ZNF704: variants seen among roughly 807,000 people sequenced by gnomAD.
The protein encoded by ZNF704 is glucocorticoid induced gene 1.
In ZNF704, 10 loss-of-function variants were observed where a neutral mutation model predicts 44.7. That is an observed-to-expected ratio of 0.22 (90% confidence interval 0.14 to 0.38). The LOEUF (loss-of-function observed/expected upper bound fraction) is 0.38. Ranked by LOEUF, ZNF704 falls within the 10% of genes least tolerant of loss-of-function variation. ZNF704 has a pLI of 1.00. For synonymous variants in ZNF704, 211 were observed against 207.6 expected (o/e 1.02, Z -0.14); for missense variants, 390 against 545.5 (o/e 0.71, Z 2.84).
intron 1 of ZNF704, among the ~76,000 whole-genome samples, chr8:80,846,822 C>T (rs1586071754): frequency 6.6e-6 from 1 of 152,102 alleles, no homozygotes; most frequent in Admixed American, 6.6e-5. Flanking sequence ...GATCAACATA[C>T]AAAAAACAGT....
chr8:80,641,526 C>T, intron 8 of ZNF704, 49 bp from the exon 9 acceptor site: 6 of 1,172,674 alleles, frequency 5.1e-6, no homozygotes, highest in Non-Finnish European at 7.2e-6. Context: ...ATTCAATGGG[C>T]ATTCTATGGA....
rs539440649 is a variant in ZNF704, at chr8:80,790,691, G to A, written c.221+30683C>T. Among the ~76,000 whole-genome samples, 185 of 152,228 alleles carry A rather than the reference G, an allele frequency of 1.2e-3. 1 individual carries two copies. Among genetic ancestry groups the A allele is most frequent in the African/African-American group, 3.6e-3 (151 of 41,548 alleles). ...GAAAGGTGGGTGGCAGAGGTCCCGG[G>A]GTGAGATGGTGACACACAGATTGAG... On this transcript the variant is annotated intron_variant, in intron 2 of 8. Coordinates refer to ENST00000327835, the MANE Select transcript of ZNF704 (RefSeq NM_001033723.3).
At chr8:80,647,434 G>A (rs193260422) in intron 7 of ZNF704, among the ~76,000 whole-genome samples, 7 of 152,208 alleles carry the variant, frequency 4.6e-5, no homozygotes, top group East Asian at 3.9e-4. Flanking sequence ...TTATTCTAAC[G>A]GCAATAAGTA....
upstream of ZNF704, among the ~76,000 whole-genome samples, chr8:80,876,671 T>C (rs1241820188): frequency 6.6e-6 from 1 of 152,168 alleles, no homozygotes; most frequent in African/African-American, 2.4e-5. Flanking sequence ...ATGGGGATCA[T>C]AGTAGTAAAG....
chr8:80,838,847 A>T (rs1015146817), intron 1 of ZNF704, among the ~76,000 whole-genome samples: 1 of 151,070 alleles, frequency 6.6e-6, no homozygotes, highest in African/African-American at 2.4e-5. Context: ...GAGGAGGAAG[A>T]GGGGAGCAGA....
intron 5 of ZNF704, among the ~76,000 whole-genome samples, chr8:80,668,643 C>T (rs1818232002): frequency 6.6e-6 from 1 of 152,170 alleles, no homozygotes; most frequent in Non-Finnish European, 1.5e-5. Flanking sequence ...TCAGGACCAG[C>T]CCCTGGTGTA....
intron 4 of ZNF704, among the ~76,000 whole-genome samples, chr8:80,682,090 T>C (rs1818462679): frequency 1.3e-5 from 2 of 152,216 alleles, no homozygotes; most frequent in African/African-American, 4.8e-5. Context: ...GAACAGCCGT[T>C]CTTTTTGCAA....
intron 3 of ZNF704, among the ~76,000 whole-genome samples, chr8:80,691,013 TAA>T (rs879420810): frequency 1.6e-4 from 22 of 133,990 alleles, no homozygotes; most frequent in Non-Finnish European, 2.3e-4. Context: ...CATCTCAAAT[TAA>T]AAAAAAAAAA....
chr8:80,661,718 CAT>C (rs1016440159), intron 6 of ZNF704, among the ~76,000 whole-genome samples: 4 of 152,056 alleles, frequency 2.6e-5, no homozygotes, highest in Admixed American at 6.6e-5. Flanking sequence ...TGTTCTCACT[CAT>C]ATGTGGGAAA....
At chr8:80,648,783 G>A (rs1166825908) in intron 7 of ZNF704, among the ~76,000 whole-genome samples, 7 of 152,136 alleles carry the variant, frequency 4.6e-5, no homozygotes, top group African/African-American at 1.7e-4. Context: ...TTTTATAGAT[G>A]AGAAAATGGA....
At chr8:80,665,983 C>G (rs1046639207) in intron 5 of ZNF704, among the ~76,000 whole-genome samples, 2 of 149,878 alleles carry the variant, frequency 1.3e-5, no homozygotes, top group Non-Finnish European at 3.0e-5. Flanking sequence ...TTTTATTATA[C>G]TTTAAGTTTT....
At chr8:80,844,863 T>TTATTTATTTATTTATTTA (rs1808743420) in intron 1 of ZNF704, among the ~76,000 whole-genome samples, 1 of 150,942 alleles carries the variant, frequency 6.6e-6, no homozygotes, top group African/African-American at 2.4e-5. Flanking sequence ...ATTTATTTAT[T>TTATTTATTTATTTATTTA]GAGACAGGGT....
chr8:80,760,368 A>C (rs1035262748), intron 2 of ZNF704, among the ~76,000 whole-genome samples: 7 of 152,266 alleles, frequency 4.6e-5, no homozygotes, highest in African/African-American at 1.7e-4. Context: ...TGCTATAAAG[A>C]AATACCTGGC....
chr8:80,758,150 T>C (rs928412061), intron 2 of ZNF704, among the ~76,000 whole-genome samples: 2 of 152,216 alleles, frequency 1.3e-5, no homozygotes. Flanking sequence ...ATCGGAAGTA[T>C]TTCCAGTCTC....
chr8:80,801,620 G>A lies in ZNF704; in HGVS notation c.221+19754C>T, dbSNP rs553055392. On this transcript the variant is annotated intron_variant, in intron 2 of 8. Coordinates refer to ENST00000327835, the MANE Select transcript of ZNF704 (RefSeq NM_001033723.3). ...TCAAGAAGTTCTTTGAAACTAATGA[G>A]AACAAAGAGACAACACATCAGAATC... Among the ~76,000 whole-genome samples the A allele has an allele frequency of 2.6e-5, 4 of 152,220 alleles. No homozygotes were observed. The South Asian group carries it at 8.3e-4, about 32-fold the overall frequency.
chr8:80,816,105 T>G (rs1225476504), intron 2 of ZNF704, among the ~76,000 whole-genome samples: 1 of 152,208 alleles, frequency 6.6e-6, no homozygotes, highest in Non-Finnish European at 1.5e-5. Context: ...GTCTGTACAC[T>G]TCTCTTGATC....
At chr8:80,821,272 A>G in intron 2 of ZNF704, 102 bp downstream of exon 2, 1 of 1,238,790 alleles carries the variant, frequency 8.1e-7, no homozygotes, top group Non-Finnish European at 1.1e-6. Context: ...AAAACCTTTC[A>G]TATGTCTATA....
At chr8:80,727,147 T>C (rs1284629299) in intron 2 of ZNF704, among the ~76,000 whole-genome samples, 1 of 152,204 alleles carries the variant, frequency 6.6e-6, no homozygotes, top group African/African-American at 2.4e-5. Context: ...CCACAACCTA[T>C]ACTGCCAGGT....
chr8:80,647,076 C>T (rs1001617040), intron 7 of ZNF704, among the ~76,000 whole-genome samples: 1 of 152,172 alleles, frequency 6.6e-6, no homozygotes, highest in Non-Finnish European at 1.5e-5. Flanking sequence ...TGCTATGTAC[C>T]AGGCATTGTT....
Sources: gnomAD v4.1 joint callset for allele counts (sites outside exome capture counted in the v4.1 genomes callset) on GRCh38, gnomAD v4.1.1 for gene constraint, MANE v1.5 for transcripts, NCBI Gene and HGNC (gene_info 2026-07-23, HGNC 2026-07-21) for gene names.